The following SLC38A6 variants were observed in gnomAD, a reference collection of about 807,000 sequenced individuals.
SLC38A6 encodes N system amino acid transporter NAT-1.
In SLC38A6, 73 loss-of-function variants were observed where a neutral mutation model predicts 65.0. The ratio of observed to expected loss-of-function variants is 1.12; its 90% CI spans 0.93 to 1.37. The LOEUF (loss-of-function observed/expected upper bound fraction) is 1.37, where lower values mean the gene tolerates loss of function less well. SLC38A6 is among the 40% of genes most tolerant of loss of function. The probability of loss-of-function intolerance (pLI) is 0.00; values close to 1 mark genes in which losing one functional copy is unlikely to be tolerated. For missense variants in SLC38A6, 561 were observed against 531.1 expected (o/e 1.06, Z -0.55); for synonymous variants, 183 against 178.8 (o/e 1.02, Z -0.19).
intron 6 of SLC38A6, among the ~76,000 whole-genome samples, chr14:61,033,743 G>A (rs1426014063): frequency 6.6e-6 from 1 of 152,050 alleles, no homozygotes; most frequent in East Asian, 1.9e-4. Context: ...GTGCTTTACT[G>A]TGTTGCCTTT....
At chr14:60,989,061 T>C (rs1419583407) in intron 3 of SLC38A6, among the ~76,000 whole-genome samples, 1 of 152,232 alleles carries the variant, frequency 6.6e-6, no homozygotes, top group Non-Finnish European at 1.5e-5. Flanking sequence ...TTCGACACTT[T>C]TTTCTTTGAT....
intron 7 of SLC38A6, 80 bp downstream of exon 7, chr14:61,037,221 C>A: frequency 3.7e-6 from 4 of 1,076,956 alleles, no homozygotes; most frequent in Non-Finnish European, 5.3e-6. Flanking sequence ...TATTAAGGGG[C>A]TTTAAAATTT....
chr14:61,006,360 G>A (rs2039119052), intron 3 of SLC38A6, among the ~76,000 whole-genome samples: 1 of 152,240 alleles, frequency 6.6e-6, no homozygotes, highest in African/African-American at 2.4e-5. Flanking sequence ...CTTCTTCACA[G>A]CAAAAGAAAC....
intron 8 of SLC38A6, among the ~76,000 whole-genome samples, chr14:61,042,557 T>C (rs185457045): frequency 1.3e-5 from 2 of 152,196 alleles, no homozygotes; most frequent in African/African-American, 2.4e-5. Context: ...TTAATGTTTT[T>C]TTTGTTTGTT....
In SLC38A6 at chr14:60,984,722, T is replaced by A. The variant is rs1207623351; in HGVS notation, c.237-8T>A. The stretch of plus-strand genomic sequence containing the variant: ...GAGGTTTTGACCAGGTGTTCTTTTA[T>A]GTTTTAGCTTCTTGCTGCTGACAGT... On this transcript the variant is annotated splice_region_variant and splice_polypyrimidine_tract_variant and intron_variant, in intron 2 of 15. Coordinates refer to ENST00000267488, the MANE Select transcript of SLC38A6 (RefSeq NM_153811.3). The A allele has an allele frequency of 1.2e-6, 2 of 1,613,848 alleles. No homozygotes were observed. The highest frequency in any genetic ancestry group is 2.7e-5 in the African/African-American group (2 of 74,920).
intron 15 of SLC38A6, among the ~76,000 whole-genome samples, chr14:61,068,569 G>A (rs796171072): frequency 1.9e-4 from 29 of 152,252 alleles, no homozygotes; most frequent in African/African-American, 6.0e-4. Context: ...ACCTTTGCAA[G>A]CCGGGCTTCT....
At chr14:61,082,416 GTC>G (rs934202192) in intron 16 of SLC38A6, among the ~76,000 whole-genome samples, 31 of 152,236 alleles carry the variant, frequency 2.0e-4, no homozygotes, top group African/African-American at 7.2e-4. Flanking sequence ...TGTTCCATGA[GTC>G]TCTGTTTTAG....
Position 61,078,807 on chromosome 14 carries a change from CAG to C in SLC38A6, c.1291-2_1291-1del, listed in dbSNP as rs2043528084. Reference sequence around the variant, plus strand: ...ATTTATTTATTTATTTATTTTGAGACAGGGTCTCATTCTGTCGCACAGGTTGG... The same window carrying C: ...ATTTATTTATTTATTTATTTTGAGACGGTCTCATTCTGTCGCACAGGTTGG... On this transcript the variant is annotated splice_acceptor_variant, in intron 15 of 16. Transcript: ENST00000354886. LOFTEE classifies it high-confidence loss of function. The C allele has an allele frequency of 5.0e-6, 1 of 199,794 alleles. No homozygotes were observed. Among genetic ancestry groups the C allele is most frequent in the East Asian group, 1.7e-4 (1 of 5,912 alleles). The allele number at this position is 199,794 out of a possible 1,614,324, so 12.4% of individuals were successfully genotyped here.
At chr14:61,045,525 C>A in intron 11 of SLC38A6, 100 bp downstream of exon 11, 1 of 829,270 alleles carries the variant, frequency 1.2e-6, no homozygotes, top group Non-Finnish European at 1.9e-6. Context: ...CCTTTCCTCT[C>A]ATCAGTGGAT....
intron 3 of SLC38A6, among the ~76,000 whole-genome samples, chr14:60,992,011 G>T (rs539294630): frequency 1.3e-5 from 2 of 152,194 alleles, no homozygotes; most frequent in Admixed American, 6.5e-5. Flanking sequence ...TTTATTAAAG[G>T]TGGCAATGAG....
At chr14:61,003,768 T>G (rs1208101429) in intron 3 of SLC38A6, among the ~76,000 whole-genome samples, 1 of 152,178 alleles carries the variant, frequency 6.6e-6, no homozygotes, top group Non-Finnish European at 1.5e-5. Flanking sequence ...CAAGAAGCCA[T>G]TACTCATATT....
chr14:61,009,706 T>C (rs2039412316), intron 3 of SLC38A6, among the ~76,000 whole-genome samples: 1 of 152,220 alleles, frequency 6.6e-6, no homozygotes, highest in Non-Finnish European at 1.5e-5. Context: ...ACAAAGGACA[T>C]GCACTCATCA....
chr14:61,068,832 G>T (rs1179527514), intron 15 of SLC38A6, among the ~76,000 whole-genome samples: 1 of 152,140 alleles, frequency 6.6e-6, no homozygotes, highest in Admixed American at 6.5e-5. Flanking sequence ...ACTTTGGAGT[G>T]GCTTAATATT....
At chr14:61,061,315 G>A (rs541402208) in intron 15 of SLC38A6, among the ~76,000 whole-genome samples, 1 of 152,330 alleles carries the variant, frequency 6.6e-6, no homozygotes, top group East Asian at 1.9e-4. Flanking sequence ...AACTTTTAAT[G>A]TGTTGCTGGA....
At chr14:61,079,615 ACATTTAATTTCTCT>A (rs2043563327) in intron 16 of SLC38A6, among the ~76,000 whole-genome samples, 1 of 152,186 alleles carries the variant, frequency 6.6e-6, no homozygotes, top group Non-Finnish European at 1.5e-5. Flanking sequence ...TCTTGATGCT[ACATTTAATTTCTCT>A]AAATGATAAA....
chr14:60,982,771 TG>T (rs1271150165), intron 2 of SLC38A6, 133 bp downstream of exon 2: 1 of 1,002,120 alleles, frequency 1.0e-6, no homozygotes, highest in Non-Finnish European at 1.4e-6. Flanking sequence ...GCATTTTTCT[TG>T]TTATTCTTGT....
chr14:61,004,701 T>G (rs554485299), intron 3 of SLC38A6: 1 of 152,356 alleles, frequency 6.6e-6, no homozygotes, highest in Non-Finnish European at 1.5e-5. Flanking sequence ...ATCAATAGCT[T>G]ACCAACCAAA....
intron 11 of SLC38A6, 114 bp downstream of exon 11, chr14:61,045,539 A>G (rs1258907742): frequency 4.1e-6 from 3 of 740,108 alleles, no homozygotes; most frequent in Non-Finnish European, 4.4e-6. Flanking sequence ...AGTGGATCCT[A>G]AGTGTTAGTT....
intron 3 of SLC38A6, among the ~76,000 whole-genome samples, chr14:60,993,007 C>T (rs893923339): frequency 2.0e-5 from 3 of 152,062 alleles, no homozygotes; most frequent in East Asian, 1.9e-4. Context: ...CCACCACATC[C>T]GGCTGATTTT....
Sources: allele counts gnomAD v4.1 joint callset (sites outside exome capture counted in the v4.1 genomes callset), GRCh38; gene constraint gnomAD v4.1.1; transcripts MANE v1.5; gene names NCBI Gene and HGNC (gene_info 2026-07-23, HGNC 2026-07-21).